The following FTO variants were observed in gnomAD, a reference collection of about 807,000 sequenced individuals.
FTO encodes the protein alpha-ketoglutarate-dependent dioxygenase FTO.
Under a neutral mutation model 63.9 loss-of-function variants are expected in FTO, and 47 were observed. That is an observed-to-expected ratio of 0.74 (90% CI 0.58 to 0.94). The LOEUF is 0.94. FTO is among the 40% of genes least tolerant of loss of function. The probability of loss-of-function intolerance (pLI) is 0.00; values close to 1 mark genes in which losing one functional copy is unlikely to be tolerated. For missense variants in FTO, 562 were observed against 618.1 expected, an observed-to-expected ratio of 0.91 and a Z score of 0.96; for synonymous variants, 207 against 224.4, an observed-to-expected ratio of 0.92 and a Z score of 0.69.
intron 8 of FTO, among the ~76,000 whole-genome samples, chr16:54,081,685 G>A (rs914574139): frequency 6.6e-6 from 1 of 152,158 alleles, no homozygotes; most frequent in African/African-American, 2.4e-5. Context: ...ATAGTAGGAG[G>A]CACCTAATCA....
intron 1 of FTO, among the ~76,000 whole-genome samples, chr16:53,802,377 T>C (rs549062730): frequency 6.6e-6 from 1 of 152,322 alleles, no homozygotes; most frequent in South Asian, 2.1e-4. Context: ...ATCCATTTTT[T>C]TTTTCAGCAA....
intron 2 of FTO, among the ~76,000 whole-genome samples, chr16:53,823,060 T>C (rs1263028423): frequency 2.0e-5 from 3 of 152,188 alleles, no homozygotes; most frequent in Admixed American, 1.3e-4. Flanking sequence ...CAGAGACATC[T>C]CTACATGCCA....
intron 1 of FTO, among the ~76,000 whole-genome samples, chr16:53,718,040 C>T (rs990332807): frequency 6.6e-6 from 1 of 152,002 alleles, no homozygotes; most frequent in South Asian, 2.1e-4. Context: ...TTTTCAAGGT[C>T]CCCCATGTGC....
intron 3 of FTO, among the ~76,000 whole-genome samples, chr16:53,828,306 G>A (rs548613082): frequency 1.1e-3 from 166 of 152,112 alleles, no homozygotes; most frequent in African/African-American, 3.7e-3. Context: ...TGCAAGCTCC[G>A]CCTCCCAGGT....
At chr16:54,087,308 A>C (rs1054317556) in intron 8 of FTO, among the ~76,000 whole-genome samples, 3 of 152,180 alleles carry the variant, frequency 2.0e-5, no homozygotes, top group African/African-American at 7.2e-5. Context: ...AGATAGGAAA[A>C]AGTCTTCTAA....
chr16:53,848,821 G>T (rs2079706806), intron 4 of FTO, among the ~76,000 whole-genome samples: 1 of 152,096 alleles, frequency 6.6e-6, no homozygotes, highest in South Asian at 2.1e-4. Flanking sequence ...CAGGACAAAG[G>T]TGAGTGCTAG....
At chr16:53,795,645 T>G in intron 1 of FTO, among the ~76,000 whole-genome samples, 1 of 152,220 alleles carries the variant, frequency 6.6e-6, no homozygotes, top group Non-Finnish European at 1.5e-5. Flanking sequence ...ATTGAGAATT[T>G]TCCTATTTAA....
At chr16:53,902,389 C>G (rs1206211825) in intron 7 of FTO, among the ~76,000 whole-genome samples, 1 of 152,042 alleles carries the variant, frequency 6.6e-6, no homozygotes, top group Non-Finnish European at 1.5e-5. Context: ...AATATAGAAC[C>G]CCAGATTTCC....
rs570822655 is a variant in FTO, at chr16:53,750,300, C to T, written c.45+46071C>T. On this transcript the variant is annotated intron_variant, in intron 1 of 8. Coordinates refer to ENST00000471389, the MANE Select transcript of FTO (RefSeq NM_001080432.3). The stretch of plus-strand genomic sequence containing the variant: ...TTTCCCAGGCTGGAGTGCAGTGGTG[C>T]GATCTTGGCTCACTGCAACCTCTGC... Among the ~76,000 whole-genome samples, 58 of 151,204 alleles carry T rather than the reference C, an allele frequency of 3.8e-4. 1 individual carries two copies. In the South Asian group the frequency reaches 9.0e-3, roughly 23 times the overall value.
intron 8 of FTO, among the ~76,000 whole-genome samples, chr16:54,082,953 T>C (rs1039001664): frequency 6.6e-6 from 1 of 152,222 alleles, no homozygotes; most frequent in Non-Finnish European, 1.5e-5. Flanking sequence ...ATTTTCTTAA[T>C]TGTAAAAAGT....
intron 8 of FTO, chr16:53,998,571 T>C (rs1416944307): frequency 6.6e-6 from 1 of 152,242 alleles, no homozygotes; most frequent in Non-Finnish European, 1.5e-5. Flanking sequence ...AATTGAAAAG[T>C]ACATGGTTAA....
chr16:53,750,609 C>T lies in FTO; in HGVS notation c.45+46380C>T, dbSNP rs142908700. Among the ~76,000 whole-genome samples, 1,086 of 152,252 alleles carry T rather than the reference C, an allele frequency of 7.1e-3. 14 individuals are homozygous for T. The highest frequency in any genetic ancestry group is 0.039 in the East Asian group (202 of 5,190). On this transcript the variant is annotated intron_variant, in intron 1 of 8. Coordinates refer to ENST00000471389, the MANE Select transcript of FTO (RefSeq NM_001080432.3). ...AAGAAGAAGAATATTTAATAGGGGC[C>T]ATATGTGGCCTGCAAAGCCTGAAAT...
In FTO at chr16:53,934,268, C is replaced by T. The variant is rs544525327; in HGVS notation, c.1364+159C>T. 3.7e-4 allele frequency among the ~76,000 whole-genome samples: 57 copies of T among 152,318 alleles called. 1 individual carries two copies. In the South Asian group the frequency reaches 9.5e-3, roughly 25 times the overall value. ...CAGCTAAAGTTAGCTTTCCTGCCCACGGCACCTACATTAATTGTAATGATC... is the reference window on the plus strand; with the variant it reads ...CAGCTAAAGTTAGCTTTCCTGCCCATGGCACCTACATTAATTGTAATGATC... On this transcript the variant is annotated intron_variant, in intron 8 of 8. Coordinates refer to ENST00000471389, the MANE Select transcript of FTO (RefSeq NM_001080432.3).
chr16:53,905,164 T>C (rs2081505505), intron 7 of FTO, among the ~76,000 whole-genome samples: 1 of 152,080 alleles, frequency 6.6e-6, no homozygotes, highest in Non-Finnish European at 1.5e-5. Context: ...TGTTGTAAAG[T>C]GAGCATCTGT....
chr16:53,892,610 G>T (rs192299406), intron 7 of FTO, among the ~76,000 whole-genome samples: 2 of 151,912 alleles, frequency 1.3e-5, no homozygotes, highest in South Asian at 2.1e-4. Context: ...TTGTAAAATC[G>T]TGCGTGTTGT....
chr16:53,800,992 T>G (rs566982655), intron 1 of FTO, among the ~76,000 whole-genome samples: 4 of 152,152 alleles, frequency 2.6e-5, no homozygotes, highest in Non-Finnish European at 4.4e-5. Context: ...TCTTTACATT[T>G]GAAGAATATT....
chr16:53,739,053 C>G (rs1042972316), intron 1 of FTO, among the ~76,000 whole-genome samples: 1 of 152,106 alleles, frequency 6.6e-6, no homozygotes, highest in Non-Finnish European at 1.5e-5. Flanking sequence ...TCTCAAACTC[C>G]TGGGCTCAAG....
chr16:53,946,786 C>T (rs1215156523), intron 8 of FTO, among the ~76,000 whole-genome samples: 1 of 152,180 alleles, frequency 6.6e-6, no homozygotes, highest in Non-Finnish European at 1.5e-5. Flanking sequence ...CTCTGCCCAG[C>T]TCTGGCCTCT....
chr16:53,767,088 C>G (rs1361223800), intron 1 of FTO, among the ~76,000 whole-genome samples: 1 of 152,130 alleles, frequency 6.6e-6, no homozygotes, highest in African/African-American at 2.4e-5. Flanking sequence ...TCTCCCAGAC[C>G]TGCAGCTACA....
Sources: allele counts gnomAD v4.1 joint callset (sites outside exome capture counted in the v4.1 genomes callset), GRCh38; gene constraint gnomAD v4.1.1; transcripts MANE v1.5; gene names NCBI Gene and HGNC (gene_info 2026-07-23, HGNC 2026-07-21).